The following SEMA3F variants were observed in gnomAD, a reference collection of about 807,000 sequenced individuals.
SEMA3F encodes semaphorin-3F.
SEMA3F carries 30 observed loss-of-function variants against 98.5 expected under a neutral mutation model. That is an observed-to-expected ratio of 0.30 (90% CI 0.23 to 0.41). The LOEUF (loss-of-function observed/expected upper bound fraction) is 0.41. SEMA3F is among the 10% of genes least tolerant of loss of function. SEMA3F has a pLI of 1.00. For synonymous variants in SEMA3F, 380 were observed against 444.8 expected (o/e 0.85, Z 1.83); for missense variants, 866 against 1,119.3 (o/e 0.77, Z 3.23).
chr3:50,174,848 T>C (rs1483766547), intron 5 of SEMA3F, among the ~76,000 whole-genome samples: 1 of 152,164 alleles, frequency 6.6e-6, no homozygotes, highest in Non-Finnish European at 1.5e-5. Flanking sequence ...CATTTCCATG[T>C]GGGCATGTGT....
chr3:50,187,711 G>A lies in SEMA3F; in HGVS notation c.1954G>A (p.Ala652Thr). The stretch of plus-strand genomic sequence containing the variant: ...CCTCTCCTTGCCCCTGCAGATTCGT[G>A]CAGAGGACCGCTTCCTGCGCACAGA... ...DPGDRRREIR[A>T]EDRFLRTEQG... Residue 652 changes from alanine to threonine, a missense_variant, in exon 19 of 19, where the codon GCA becomes ACA. Ala to Thr is a moderately conservative substitution (Grantham distance 58). This residue lies in a region of SEMA3F where 245 missense variants were observed against 260.5 expected (regional missense o/e 0.94). Transcript: ENST00000002829. 1 of 1,588,592 alleles carries A rather than the reference G, an allele frequency of 6.3e-7. No individual in the cohort carries two copies. Among genetic ancestry groups the A allele is most frequent in the Non-Finnish European group, 8.6e-7 (1 of 1,162,546 alleles).
chr3:50,180,201 G>GT (rs1334914366), intron 7 of SEMA3F, among the ~76,000 whole-genome samples: 3 of 151,974 alleles, frequency 2.0e-5, no homozygotes, highest in African/African-American at 7.3e-5. Flanking sequence ...CCAGGCTAGA[G>GT]TGAAGTGGCA....
rs1698089593 is a variant in SEMA3F, at chr3:50,158,682, G to C, written c.-48-893G>C. On this transcript the variant is annotated intron_variant, in intron 1 of 18. Transcript: ENST00000002829. This position sits in a 1 kb window ranked among gnomAD's most constrained non-coding sequence, Gnocchi z 4.8. Reference sequence around the variant, plus strand: ...TGCATCCGGTTGGGGGTGGTGGTAGGAGTTGGCGCTGGTTTGTGCCGGGAG... The same window carrying C: ...TGCATCCGGTTGGGGGTGGTGGTAGCAGTTGGCGCTGGTTTGTGCCGGGAG... Among the ~76,000 whole-genome samples, 1 of 152,244 alleles carries C rather than the reference G, an allele frequency of 6.6e-6. No individual in the cohort carries two copies. The highest frequency in any genetic ancestry group is 6.5e-5 in the Admixed American group (1 of 15,292).
In SEMA3F at chr3:50,182,882, G is replaced by A. The variant is rs745691302; in HGVS notation, c.904-22G>A. 86 of 1,611,440 alleles carry A rather than the reference G, an allele frequency of 5.3e-5. 1 individual carries two copies. The South Asian group carries it at 5.6e-4, about 10-fold the overall frequency. On this transcript the variant is annotated intron_variant, in intron 9 of 18. Coordinates refer to ENST00000002829, the MANE Select transcript of SEMA3F (RefSeq NM_004186.5). The surrounding 1 kb of genome is among the most constrained non-coding windows in gnomAD (Gnocchi z 4.5). The stretch of plus-strand genomic sequence containing the variant: ...TTGGGGTCAAGAGCTGATCTGACCC[G>A]GCCTCTTGCCCCACCCCCCAGAACG...
intron 2 of SEMA3F, 140 bp from the exon 3 acceptor site, chr3:50,173,653 A>G: frequency 2.9e-6 from 2 of 688,148 alleles, no homozygotes; most frequent in Non-Finnish European, 4.9e-6. Context: ...TAAAAAGAAA[A>G]AAAGAAAGAA....
Position 50,187,823 on chromosome 3 carries a change from T to G in SEMA3F, c.2066T>G (p.Val689Gly). 6.2e-7 allele frequency: 1 copy of G among 1,613,492 alleles called. No individual in the cohort carries two copies. The highest frequency in any genetic ancestry group is 8.5e-7 in the Non-Finnish European group (1 of 1,179,986). Reference protein sequence around the residue: ...TATENNFKHVVTRVQLHVLGR... With the variant: ...TATENNFKHVGTRVQLHVLGR... ...ACTGAGAACAACTTTAAGCACGTCG[T>G]CACACGAGTGCAGCTGCATGTACTG... The change falls in exon 19 of 19, where the codon GTC (valine) becomes GGC (glycine). Residue 689 changes from valine (V) to glycine (G), a missense_variant. Around this residue, in one of 3 missense-constraint regions of SEMA3F, gnomAD observed 245 missense variants for 260.5 expected, o/e 0.94. Transcript: ENST00000002829.
At chr3:50,162,662 T>C (rs1698253960) in intron 2 of SEMA3F, among the ~76,000 whole-genome samples, 1 of 152,148 alleles carries the variant, frequency 6.6e-6, no homozygotes, top group African/African-American at 2.4e-5. Context: ...CAGGGAGGTG[T>C]GAGGGCCCTG....
Position 50,185,509 on chromosome 3 carries a change from T to C in SEMA3F, c.1523T>C (p.Leu508Pro), listed in dbSNP as rs1699179304. ...KDDQELEELM[L>P]EEVEVFKDPA... ...GACCAGGAGTTGGAGGAGCTCATGCTGGAGGAGGTGGAGGTCTTCAAGGTG... is the reference window on the plus strand; with the variant it reads ...GACCAGGAGTTGGAGGAGCTCATGCCGGAGGAGGTGGAGGTCTTCAAGGTG... Residue 508 changes from leucine to proline, a missense_variant, in exon 14 of 19, where the codon CTG becomes CCG. Coordinates refer to ENST00000002829, the MANE Select transcript of SEMA3F (RefSeq NM_004186.5). 4.3e-6 allele frequency: 7 copies of C among 1,613,884 alleles called. No homozygotes were observed. The South Asian group carries it at 6.6e-5, about 15-fold the overall frequency.
intron 7 of SEMA3F, among the ~76,000 whole-genome samples, chr3:50,180,576 G>T (rs1342900171): frequency 6.6e-6 from 1 of 152,186 alleles, no homozygotes; most frequent in African/African-American, 2.4e-5. Flanking sequence ...CCCAGAGAAT[G>T]GAGAGGCCCA....
Position 50,184,833 on chromosome 3 carries a change from G to A in SEMA3F, c.1456+19G>A, listed in dbSNP as rs748099218. On this transcript the variant is annotated intron_variant, in intron 13 of 18. Coordinates refer to ENST00000002829, the MANE Select transcript of SEMA3F (RefSeq NM_004186.5). ...GGCACAGGTACCCACTGCTGCTCCC[G>A]GCCTCTCCCACGCTGGGCCCACCGG... 7 of 1,594,618 alleles carry A rather than the reference G, an allele frequency of 4.4e-6. No homozygotes were observed. The highest frequency in any genetic ancestry group is 3.4e-5 in the Admixed American group (2 of 59,498).
intron 1 of SEMA3F, among the ~76,000 whole-genome samples, chr3:50,157,300 C>T (rs1052760002): frequency 6.6e-6 from 1 of 152,064 alleles, no homozygotes; most frequent in Non-Finnish European, 1.5e-5. Flanking sequence ...CCCGGCTCCT[C>T]GTTTCTTTGT....
At chr3:50,166,000 T>C (rs1452500469) in intron 2 of SEMA3F, among the ~76,000 whole-genome samples, 1 of 152,158 alleles carries the variant, frequency 6.6e-6, no homozygotes, top group Non-Finnish European at 1.5e-5. Flanking sequence ...GCACTGGCTA[T>C]CTGGTGCATC....
In SEMA3F at chr3:50,175,148, C is replaced by T. The variant is rs564428335; in HGVS notation, c.509C>T (p.Thr170Met). The T allele has an allele frequency of 7.6e-5, 122 of 1,609,420 alleles. 1 individual carries two copies. In the South Asian group the frequency reaches 1.0e-3, roughly 14 times the overall value. The change falls in exon 6 of 19, where the codon ACG becomes ATG. Residue 170 changes from threonine (T) to methionine (M), a missense_variant. Thr to Met is a moderately conservative substitution (Grantham distance 81). Around this residue, in one of 3 missense-constraint regions of SEMA3F, gnomAD observed 247 missense variants for 276.0 expected, o/e 0.89. Coordinates refer to ENST00000002829, the MANE Select transcript of SEMA3F (RefSeq NM_004186.5). ...QAVRGRGSRA[T>M]DGALRPMPTA... ...GTCAGAGGCCGCGGCAGCAGAGCCA[C>T]GGATGGTGCCCTCCGCCCGATGCCC...
chr3:50,172,650 G>A (rs1417420967), intron 2 of SEMA3F, among the ~76,000 whole-genome samples: 1 of 152,166 alleles, frequency 6.6e-6, no homozygotes, highest in African/African-American at 2.4e-5. Flanking sequence ...GCTCATTCAA[G>A]GTGGCCTGAG....
In SEMA3F at chr3:50,184,707, G is replaced by A. The variant is rs772280883; in HGVS notation, c.1349G>A (p.Arg450Gln). 42 of 1,613,996 alleles carry A rather than the reference G, an allele frequency of 2.6e-5. No individual in the cohort carries two copies. The South Asian group carries it at 3.8e-4, about 15-fold the overall frequency. The change falls in exon 13 of 19, where the codon CGG becomes CAG. Residue 450 changes from arginine (R) to glutamine (Q), a missense_variant. Physicochemically the swap from Arg to Gln is conservative, Grantham distance 43 (BLOSUM62 1). Transcript: ENST00000002829. ...LMYQAVYPLQ[R>Q]RPLVVRTGAP... ...TACCAGGCCGTGTACCCTCTGCAGC[G>A]GCGGCCCCTGGTAGTCCGCACAGGT...
At chr3:50,157,788 A>C (rs905636760) in intron 1 of SEMA3F, among the ~76,000 whole-genome samples, 1 of 151,938 alleles carries the variant, frequency 6.6e-6, no homozygotes, top group African/African-American at 2.4e-5. Context: ...ACATTGGGTG[A>C]CTCCAACCCT....
At chr3:50,174,715 G>A (rs1319804182) in intron 5 of SEMA3F, among the ~76,000 whole-genome samples, 1 of 152,252 alleles carries the variant, frequency 6.6e-6, no homozygotes, top group Non-Finnish European at 1.5e-5. Context: ...TAGGAGGCTG[G>A]ACCCCTGGGT....
chr3:50,183,316 G>A (rs535535681), intron 11 of SEMA3F, 61 bp downstream of exon 11: 25 of 1,605,850 alleles, frequency 1.6e-5, no homozygotes, highest in East Asian at 8.9e-5. Flanking sequence ...ATTGTAACTC[G>A]TGGAGAACCC....
chr3:50,185,783 A>G, intron 15 of SEMA3F, 76 bp downstream of exon 15: 1 of 1,610,186 alleles, frequency 6.2e-7, no homozygotes, highest in Non-Finnish European at 8.5e-7. Flanking sequence ...TGGCACAGGG[A>G]TGGGTAAACT....
Sources: gnomAD v4.1 joint callset for allele counts (sites outside exome capture counted in the v4.1 genomes callset) on GRCh38, gnomAD v4.1.1 for gene constraint, gnomAD v4.1.1 regional missense constraint, Gnocchi (gnomAD v3.1) non-coding constraint, MANE v1.5 for transcripts, NCBI Gene and HGNC (gene_info 2026-07-23, HGNC 2026-07-21) for gene names.